The following AIM2 variants were observed in gnomAD, a reference collection of about 807,000 sequenced individuals.
The protein encoded by AIM2 is absent in melanoma 2, also known as interferon-inducible protein AIM2.
Under a neutral mutation model 27.7 loss-of-function variants are expected in AIM2, and 30 were observed. That is an observed-to-expected ratio of 1.08 (90% CI 0.81 to 1.47). The LOEUF (loss-of-function observed/expected upper bound fraction) is 1.47, where lower values mean the gene tolerates loss of function less well. Among genes scored for constraint, AIM2 ranks in the 40% most tolerant of loss-of-function variants. AIM2 has a pLI of 0.00. For missense variants in AIM2, 358 were observed against 411.3 expected, an observed-to-expected ratio of 0.87 and a Z score of 1.12; for synonymous variants, 141 against 145.3, an observed-to-expected ratio of 0.97 and a Z score of 0.21.
At chr1:159,092,882 T>G (rs984376077) in intron 1 of AIM2, among the ~76,000 whole-genome samples, 1 of 151,716 alleles carries the variant, frequency 6.6e-6, no homozygotes, top group Non-Finnish European at 1.5e-5. Flanking sequence ...AAAAATTAGC[T>G]GAGTATGGTG....
intron 1 of AIM2, among the ~76,000 whole-genome samples, chr1:159,128,383 C>T (rs1647778232): frequency 6.6e-6 from 1 of 152,102 alleles, no homozygotes; most frequent in South Asian, 2.1e-4. Flanking sequence ...AGTTTTCTAT[C>T]TCCATTAAAC....
At chr1:159,080,313 G>A (rs1935067), upstream of AIM2, among the ~76,000 whole-genome samples, 10,883 of 152,204 alleles carry the variant, frequency 0.072, 697 homozygotes, top group East Asian at 0.31. Flanking sequence ...ATGAGCAAAC[G>A]AAAGGTATCT....
At chr1:159,057,950 T>A (rs1042537615), downstream of AIM2, among the ~76,000 whole-genome samples, 1 of 152,184 alleles carries the variant, frequency 6.6e-6, no homozygotes, top group African/African-American at 2.4e-5. Context: ...GATAAGACCT[T>A]TTAAAGCCAA....
At chr1:159,083,492 A>T (rs1442712330) in intron 1 of AIM2, among the ~76,000 whole-genome samples, 5 of 152,210 alleles carry the variant, frequency 3.3e-5, no homozygotes. Context: ...ATTGAATTTC[A>T]ATCAATAGTA....
intron 4 of AIM2, among the ~76,000 whole-genome samples, chr1:159,063,884 C>T (rs1655963901): frequency 1.3e-5 from 2 of 152,232 alleles, no homozygotes; most frequent in South Asian, 2.1e-4. Context: ...TCTTCCTCCT[C>T]AGTCTACTTA....
intron 1 of AIM2, among the ~76,000 whole-genome samples, chr1:159,107,526 A>G (rs1309316646): frequency 6.6e-6 from 1 of 152,154 alleles, no homozygotes; most frequent in Non-Finnish European, 1.5e-5. Flanking sequence ...TTACAGAAAG[A>G]GGAAAAAACT....
intron 1 of AIM2, among the ~76,000 whole-genome samples, chr1:159,111,710 T>C (rs1657575091): frequency 6.7e-6 from 1 of 150,352 alleles, no homozygotes. Flanking sequence ...CCAAATGCAG[T>C]GCCTCACTTT....
chr1:159,066,498 T>TA (rs1305486891), intron 3 of AIM2, among the ~76,000 whole-genome samples, 169 bp from the exon 4 acceptor site: 1 of 152,166 alleles, frequency 6.6e-6, no homozygotes, highest in East Asian at 1.9e-4. Flanking sequence ...ACGATCCAGA[T>TA]AGAACAGAGA....
intron 1 of AIM2, among the ~76,000 whole-genome samples, chr1:159,089,978 G>T (rs1008286657): frequency 1.3e-5 from 2 of 152,150 alleles, no homozygotes; most frequent in African/African-American, 4.8e-5. Flanking sequence ...TATGCTGAAG[G>T]GAACTGCCTT....
At chr1:159,055,068 GT>G in the AIM2 span, 161 of 396,348 alleles carry the variant, frequency 4.1e-4, no homozygotes, top group Middle Eastern at 3.4e-3. Context: ...ATTTTTCATA[GT>G]TTTTTTTTAA....
intron 2 of AIM2, among the ~76,000 whole-genome samples, chr1:159,072,451 A>G (rs1401970553): frequency 1.3e-5 from 2 of 152,200 alleles, no homozygotes; most frequent in Non-Finnish European, 2.9e-5. Context: ...TTGCATTTGG[A>G]GACTTTCATT....
intron 1 of AIM2, among the ~76,000 whole-genome samples, chr1:159,111,154 G>T (rs1019954220): frequency 6.6e-6 from 1 of 152,136 alleles, no homozygotes; most frequent in African/African-American, 2.4e-5. Context: ...AGCAAGAACA[G>T]GTAGGACTGG....
At chr1:159,100,381 A>G (rs896482074) in intron 1 of AIM2, among the ~76,000 whole-genome samples, 1 of 152,158 alleles carries the variant, frequency 6.6e-6, no homozygotes, top group African/African-American at 2.4e-5. Flanking sequence ...TAATACATCA[A>G]ATGTATGTAA....
chr1:159,142,434 G>A (rs1648131683), upstream of AIM2, among the ~76,000 whole-genome samples: 1 of 152,108 alleles, frequency 6.6e-6, no homozygotes, highest in Non-Finnish European at 1.5e-5. Context: ...ATAGAGGGAG[G>A]AAGAGTGGGT....
At chr1:159,058,414 T>G (rs72709557), downstream of AIM2, among the ~76,000 whole-genome samples, 1 of 150,452 alleles carries the variant, frequency 6.6e-6, no homozygotes, top group Non-Finnish European at 1.5e-5. Flanking sequence ...GGGAGAGACT[T>G]CATGGGCCCA....
At chr1:159,123,865 C>G (rs575893112) in intron 1 of AIM2, among the ~76,000 whole-genome samples, 4 of 152,284 alleles carry the variant, frequency 2.6e-5, no homozygotes, top group African/African-American at 9.6e-5. Flanking sequence ...TAGTTATAAA[C>G]AAGATAACAG....
At chr1:159,075,379 A>G (rs75491800) in intron 1 of AIM2, among the ~76,000 whole-genome samples, 8,076 of 152,112 alleles carry the variant, frequency 0.053, 543 homozygotes, top group East Asian at 0.31. Flanking sequence ...GGTTCCTTAA[A>G]TAAGGCACAA....
At chr1:159,119,568 A>G (rs1382018370) in intron 1 of AIM2, among the ~76,000 whole-genome samples, 1 of 151,566 alleles carries the variant, frequency 6.6e-6, no homozygotes, top group Non-Finnish European at 1.5e-5. Flanking sequence ...ACAATAGGAG[A>G]TCTTAAAATC....
chr1:159,112,698 T>C (rs1170134712), intron 1 of AIM2, among the ~76,000 whole-genome samples: 1 of 152,136 alleles, frequency 6.6e-6, no homozygotes, highest in Non-Finnish European at 1.5e-5. Context: ...AATTTAACCA[T>C]GGCTATGGGA....
Sources: gnomAD v4.1 joint callset for allele counts (sites outside exome capture counted in the v4.1 genomes callset) on GRCh38, gnomAD v4.1.1 for gene constraint, MANE v1.5 for transcripts, NCBI Gene and HGNC (gene_info 2026-07-23, HGNC 2026-07-21) for gene names.